ISM1: variants seen among roughly 807,000 people sequenced by gnomAD.
ISM1 encodes isthmin-1.
A neutral mutation model predicts 46.3 loss-of-function variants in ISM1; 25 were observed. That is an observed-to-expected ratio of 0.54 (90% CI 0.39 to 0.75). The LOEUF (loss-of-function observed/expected upper bound fraction) is 0.75. ISM1 is among the 30% of genes least tolerant of loss of function. The pLI, the probability that ISM1 is intolerant of heterozygous loss-of-function variation, is 0.00. For synonymous variants in ISM1, 255 were observed against 256.7 expected (o/e 0.99, Z 0.06); for missense variants, 536 against 625.4 (o/e 0.86, Z 1.52).
At position 13,299,757 on chromosome 20, in the gene ISM1, C is replaced by T. The variant is rs2040442600; in HGVS notation, c.*298C>T. ...AACCTGGAAGCCACAGTGGGTGCGA[C>T]TCAATTCACACCCGGATCCAGAGTT... On this transcript the variant is annotated 3_prime_UTR_variant, in exon 6 of 6. Coordinates refer to ENST00000262487, the MANE Select transcript of ISM1 (RefSeq NM_080826.2). The surrounding 1 kb of genome is among the most constrained non-coding windows in gnomAD (Gnocchi z 5.8). 6.8e-5 allele frequency: 21 copies of T among 307,222 alleles called. No homozygotes were observed. In the East Asian group the frequency reaches 1.1e-3, roughly 15 times the overall value. 19.0% of individuals were successfully genotyped at this position (307,222 alleles called of 1,614,324 possible). A position where few individuals can be genotyped will look rare whatever the true frequency, so the allele number is the denominator to read the frequency against.
intron 4 of ISM1, among the ~76,000 whole-genome samples, chr20:13,289,672 A>AG (rs1166983454): frequency 1.0e-5 from 1 of 96,270 alleles, no homozygotes; most frequent in Non-Finnish European, 2.3e-5. Flanking sequence ...GAGGAGGAGG[A>AG]GGGGGAGGAG....
At chr20:13,321,775 ATCTTT>A in the ISM1 span, among the ~76,000 whole-genome samples, 1 of 152,220 alleles carries the variant, frequency 6.6e-6, no homozygotes, top group Non-Finnish European at 1.5e-5. Context: ...TTGAATTCAC[ATCTTT>A]TCTTTTCATG....
At chr20:13,317,246 C>CA in the ISM1 span, among the ~76,000 whole-genome samples, 2 of 151,146 alleles carry the variant, frequency 1.3e-5, no homozygotes, top group South Asian at 4.2e-4. Flanking sequence ...AGATCTACAC[C>CA]AAAAAAACAA....
intron 1 of ISM1, among the ~76,000 whole-genome samples, chr20:13,227,959 CTTTTT>C (rs747478331): frequency 7.8e-6 from 1 of 129,018 alleles, no homozygotes; most frequent in Non-Finnish European, 1.6e-5. Context: ...CTGCTGCTGC[CTTTTT>C]TTTTTTTTTT....
the ISM1 span, among the ~76,000 whole-genome samples, chr20:13,319,738 C>A: frequency 1.3e-5 from 2 of 152,188 alleles, no homozygotes; most frequent in African/African-American, 4.8e-5. Context: ...ACCCCCTCCC[C>A]CCTGCACACA....
intron 3 of ISM1, among the ~76,000 whole-genome samples, chr20:13,287,446 G>A (rs2040306320): frequency 6.6e-6 from 1 of 152,166 alleles, no homozygotes; most frequent in Admixed American, 6.5e-5. Flanking sequence ...AAGGTAAGAT[G>A]TGGGTGGGGA....
intron 1 of ISM1, among the ~76,000 whole-genome samples, chr20:13,246,203 G>C (rs1007932913): frequency 2.6e-5 from 4 of 151,892 alleles, no homozygotes; most frequent in African/African-American, 9.7e-5. Flanking sequence ...AACCCAGGAG[G>C]CGGAGGTTGC....
At chr20:13,320,451 C>T in the ISM1 span, among the ~76,000 whole-genome samples, 13 of 152,202 alleles carry the variant, frequency 8.5e-5, no homozygotes, top group Non-Finnish European at 1.3e-4. Flanking sequence ...GAGAACCGAA[C>T]TCTGGTTAAT....
downstream of ISM1, among the ~76,000 whole-genome samples, chr20:13,305,340 T>C (rs1568695831): frequency 1.3e-5 from 2 of 152,288 alleles, no homozygotes; most frequent in East Asian, 1.9e-4. Context: ...AGACCCGTAC[T>C]ACTCTGAGGA....
At chr20:13,303,584 T>C (rs1179214508), downstream of ISM1, among the ~76,000 whole-genome samples, 1 of 152,202 alleles carries the variant, frequency 6.6e-6, no homozygotes, top group Admixed American at 6.5e-5. Context: ...CTGGCATGCA[T>C]AGTCAGGCAA....
intron 1 of ISM1, among the ~76,000 whole-genome samples, chr20:13,240,703 GAT>G (rs1201426876): frequency 6.6e-6 from 1 of 152,196 alleles, no homozygotes; most frequent in African/African-American, 2.4e-5. Context: ...GAAGAACATA[GAT>G]ATGTTAGAAA....
At chr20:13,266,235 T>C (rs1487630497) in intron 1 of ISM1, among the ~76,000 whole-genome samples, 2 of 152,152 alleles carry the variant, frequency 1.3e-5, no homozygotes, top group African/African-American at 4.8e-5. Flanking sequence ...GGGCAGGCAA[T>C]TGCAATGTCT....
At chr20:13,258,195 T>C (rs2123213404) in intron 1 of ISM1, among the ~76,000 whole-genome samples, 1 of 152,278 alleles carries the variant, frequency 6.6e-6, no homozygotes, top group African/African-American at 2.4e-5. Flanking sequence ...GGGCACATGA[T>C]CTGCATGTAT....
chr20:13,302,324 A>T (rs2123347304), downstream of ISM1, among the ~76,000 whole-genome samples: 1 of 152,332 alleles, frequency 6.6e-6, no homozygotes. Context: ...CTGGTCTCCC[A>T]TGCATCATCA....
intron 1 of ISM1, among the ~76,000 whole-genome samples, chr20:13,255,023 C>G (rs953471854): frequency 6.6e-6 from 1 of 152,198 alleles, no homozygotes; most frequent in African/African-American, 2.4e-5. Flanking sequence ...CCTCATGGTT[C>G]TGACATCCTG....
downstream of ISM1, among the ~76,000 whole-genome samples, chr20:13,302,710 T>G (rs1174915875): frequency 6.6e-6 from 1 of 152,186 alleles, no homozygotes; most frequent in African/African-American, 2.4e-5. Context: ...TTTTTCTCTT[T>G]GAGTGCACTG....
the ISM1 span, among the ~76,000 whole-genome samples, chr20:13,312,320 T>C: frequency 6.6e-6 from 1 of 152,200 alleles, no homozygotes; most frequent in Non-Finnish European, 1.5e-5. Context: ...GGCCAGTGTA[T>C]GTGGCCGTGA....
intron 1 of ISM1, among the ~76,000 whole-genome samples, chr20:13,225,054 C>A (rs112532029): frequency 2.0e-5 from 3 of 150,902 alleles, no homozygotes; most frequent in African/African-American, 7.3e-5. Context: ...GGGGTTTCAC[C>A]GTGTTAGCCA....
At chr20:13,292,327 A>G (rs1568689589) in intron 4 of ISM1, 47 bp from the exon 5 acceptor site, 1 of 1,232,644 alleles carries the variant, frequency 8.1e-7, no homozygotes, top group East Asian at 2.5e-5. Context: ...GGGGGAGATA[A>G]CTTTTTCCAT....
Sources: gnomAD v4.1 joint callset for allele counts (sites outside exome capture counted in the v4.1 genomes callset) on GRCh38, gnomAD v4.1.1 for gene constraint, Gnocchi (gnomAD v3.1) non-coding constraint, MANE v1.5 for transcripts, NCBI Gene and HGNC (gene_info 2026-07-23, HGNC 2026-07-21) for gene names.